Variants in LRP1B observed in about 807,000 individuals in gnomAD.
LRP1B encodes the protein LDL receptor related protein 1B.
Under a neutral mutation model 556.6 loss-of-function variants are expected in LRP1B, and 217 were observed. The ratio of observed to expected loss-of-function variants is 0.39; its 90% confidence interval spans 0.35 to 0.44. LRP1B has a LOEUF of 0.44. Among genes scored for constraint, LRP1B ranks in the 20% least tolerant of loss-of-function variants. The probability of loss-of-function intolerance (pLI) is 1.00; values close to 1 mark genes in which losing one functional copy is unlikely to be tolerated. For missense variants in LRP1B, 5,053 were observed against 5,620.8 expected (o/e 0.90, Z 3.23); for synonymous variants, 2,047 against 1,865.8 (o/e 1.10, Z -2.50).
chr2:141,940,350 G>A (rs879481455), intron 1 of LRP1B, among the ~76,000 whole-genome samples: 10 of 152,008 alleles, frequency 6.6e-5, no homozygotes, highest in South Asian at 2.1e-4. Context: ...CTTCAATGAC[G>A]TACTAACTAA....
At chr2:140,542,867 A>ACG (rs1680189481) in intron 43 of LRP1B, among the ~76,000 whole-genome samples, 1 of 152,142 alleles carries the variant, frequency 6.6e-6, no homozygotes, top group African/African-American at 2.4e-5. Flanking sequence ...GTGCGTGCAC[A>ACG]TGTGTGCGAG....
intron 2 of LRP1B, among the ~76,000 whole-genome samples, chr2:141,570,377 G>C (rs765478141): frequency 4.6e-5 from 7 of 151,024 alleles, no homozygotes; most frequent in Non-Finnish European, 8.9e-5. Flanking sequence ...TACCCAGCCA[G>C]AGAAACTGTG....
chr2:141,060,353 A>G (rs1038550633), intron 8 of LRP1B, among the ~76,000 whole-genome samples: 2 of 151,748 alleles, frequency 1.3e-5, no homozygotes, highest in African/African-American at 4.8e-5. Flanking sequence ...ATGTTACTCC[A>G]CAGTATGGAC....
chr2:141,880,297 T>C (rs967161781), intron 1 of LRP1B, among the ~76,000 whole-genome samples: 1 of 151,426 alleles, frequency 6.6e-6, no homozygotes, highest in African/African-American at 2.4e-5. Context: ...ACCTAATATT[T>C]GGCTAGTGCA....
intron 1 of LRP1B, among the ~76,000 whole-genome samples, chr2:142,129,746 G>A (rs889943588): frequency 6.6e-6 from 1 of 151,894 alleles, no homozygotes; most frequent in South Asian, 2.1e-4. Context: ...CAAGGCCAGG[G>A]CCAGTGCCCC....
At chr2:140,983,044 A>T (rs556892994) in intron 17 of LRP1B, among the ~76,000 whole-genome samples, 2 of 152,244 alleles carry the variant, frequency 1.3e-5, no homozygotes, top group South Asian at 4.1e-4. Context: ...TTCAAGAGGA[A>T]ATTTGATAAT....
chr2:141,099,512 C>T (rs552450689), intron 7 of LRP1B, among the ~76,000 whole-genome samples: 1 of 152,266 alleles, frequency 6.6e-6, no homozygotes. Context: ...CAACTTTTTG[C>T]CAAAGCATGT....
intron 41 of LRP1B, among the ~76,000 whole-genome samples, chr2:140,669,312 T>A (rs1301304494): frequency 6.6e-6 from 1 of 152,188 alleles, no homozygotes; most frequent in East Asian, 1.9e-4. Flanking sequence ...TAGTATATCA[T>A]GTTAATAATC....
chr2:141,875,739 T>C (rs1698735472), intron 1 of LRP1B, among the ~76,000 whole-genome samples: 2 of 152,022 alleles, frequency 1.3e-5, no homozygotes, highest in African/African-American at 2.4e-5. Context: ...TGGAGAAGTC[T>C]GGACTGGTTA....
chr2:141,077,253 CAAACAA>C (rs755380251), intron 7 of LRP1B, among the ~76,000 whole-genome samples: 24 of 129,456 alleles, frequency 1.9e-4, no homozygotes, highest in Non-Finnish European at 3.9e-4. Flanking sequence ...AACTAAAAAA[CAAACAA>C]AAACAAAAAC....
chr2:140,649,576 G>A (rs1458882598), intron 41 of LRP1B, among the ~76,000 whole-genome samples: 1 of 152,258 alleles, frequency 6.6e-6, no homozygotes, highest in Admixed American at 6.5e-5. Flanking sequence ...TTAGAGCTTT[G>A]ATAAAAGACA....
intron 50 of LRP1B, among the ~76,000 whole-genome samples, chr2:140,516,164 A>G (rs1320451933): frequency 2.0e-5 from 3 of 152,132 alleles, no homozygotes; most frequent in Non-Finnish European, 2.9e-5. Flanking sequence ...TGTAATTAGT[A>G]CAAAATTTCA....
chr2:141,654,899 A>T lies in LRP1B; in HGVS notation c.205+155380T>A, dbSNP rs149362864. Among the ~76,000 whole-genome samples, 38 of 152,296 alleles carry T rather than the reference A, an allele frequency of 2.5e-4. No homozygotes were observed. In the East Asian group the frequency reaches 7.3e-3, roughly 29 times the overall value. On this transcript the variant is annotated intron_variant, in intron 2 of 90. Transcript: ENST00000389484. ...ATTTATGATAAGTTGTCTTGGTGTT[A>T]TAACAGTCGGGATAGAAATAAGACA...
chr2:141,010,152 A>T (rs1697698823), intron 14 of LRP1B, among the ~76,000 whole-genome samples: 1 of 152,102 alleles, frequency 6.6e-6, no homozygotes, highest in South Asian at 2.1e-4. Flanking sequence ...ACATTTAATC[A>T]ACCCTTATTA....
intron 7 of LRP1B, among the ~76,000 whole-genome samples, chr2:141,115,268 A>G (rs751446966): frequency 3.3e-5 from 5 of 152,022 alleles, no homozygotes; most frequent in African/African-American, 4.8e-5. Flanking sequence ...TTCTTACTAC[A>G]TAGTCCAAGA....
At chr2:141,874,811 C>G (rs1236955058) in intron 1 of LRP1B, among the ~76,000 whole-genome samples, 1 of 151,866 alleles carries the variant, frequency 6.6e-6, no homozygotes, top group Non-Finnish European at 1.5e-5. Flanking sequence ...TAAAAAGACA[C>G]TTTTAAGCTA....
intron 46 of LRP1B, among the ~76,000 whole-genome samples, chr2:140,535,006 A>G (rs1690886370): frequency 6.6e-6 from 1 of 152,184 alleles, no homozygotes; most frequent in South Asian, 2.1e-4. Context: ...TACACCTGGC[A>G]TTGGCAAACT....
At chr2:141,051,210 A>G (rs556668164) in intron 10 of LRP1B, among the ~76,000 whole-genome samples, 1 of 152,208 alleles carries the variant, frequency 6.6e-6, no homozygotes, top group African/African-American at 2.4e-5. Flanking sequence ...ATTCTGGAAG[A>G]CAGTGTGGCG....
At chr2:140,730,629 G>A (rs1179660617) in intron 35 of LRP1B, among the ~76,000 whole-genome samples, 1 of 151,880 alleles carries the variant, frequency 6.6e-6, no homozygotes, top group African/African-American at 2.4e-5. Context: ...GCGAGATCTC[G>A]GCTCACTGCA....
Sources: allele counts gnomAD v4.1 joint callset (sites outside exome capture counted in the v4.1 genomes callset), GRCh38; gene constraint gnomAD v4.1.1; transcripts MANE v1.5; gene names NCBI Gene and HGNC (gene_info 2026-07-23, HGNC 2026-07-21).